EHBP1: variants seen among roughly 807,000 people sequenced by gnomAD.
EHBP1 encodes EH domain binding protein 1, also known as EH domain-binding protein 1.
Under a neutral mutation model 144.0 loss-of-function variants are expected in EHBP1, and 55 were observed. That is an observed-to-expected ratio of 0.38 (90% CI 0.31 to 0.48). The LOEUF (loss-of-function observed/expected upper bound fraction) is 0.48, where lower values mean the gene tolerates loss of function less well. Among genes scored for constraint, EHBP1 ranks in the 20% least tolerant of loss-of-function variants. EHBP1 has a pLI of 0.98. For missense variants in EHBP1, 1,200 were observed against 1,364.2 expected, an observed-to-expected ratio of 0.88 and a Z score of 1.90; for synonymous variants, 469 against 472.7, an observed-to-expected ratio of 0.99 and a Z score of 0.10.
intron 2 of EHBP1, 134 bp downstream of exon 2, chr2:62,707,429 ACT>A (rs1247308992): frequency 7.7e-6 from 5 of 650,192 alleles, no homozygotes; most frequent in Non-Finnish European, 1.4e-5. Flanking sequence ...GGCGCAGATA[ACT>A]CTAACAAGTA....
intron 5 of EHBP1, among the ~76,000 whole-genome samples, chr2:62,816,745 T>A (rs528470369): frequency 6.6e-6 from 1 of 152,322 alleles, no homozygotes; most frequent in Admixed American, 6.5e-5. Context: ...AATTCTATAA[T>A]GTTTCTGGCA....
intron 9 of EHBP1, 76 bp downstream of exon 9, chr2:62,865,047 T>C: frequency 6.9e-7 from 1 of 1,453,270 alleles, no homozygotes; most frequent in Non-Finnish European, 9.4e-7. Context: ...TAATGTACCT[T>C]TAGATGGGTA....
chr2:62,678,959 C>G (rs1294571479), intron 1 of EHBP1, among the ~76,000 whole-genome samples: 1 of 152,008 alleles, frequency 6.6e-6, no homozygotes, highest in Non-Finnish European at 1.5e-5. Context: ...TTTTTAACTA[C>G]TCTTACTATC....
At chr2:62,924,750 G>C in intron 10 of EHBP1, among the ~76,000 whole-genome samples, 1 of 152,096 alleles carries the variant, frequency 6.6e-6, no homozygotes, top group Non-Finnish European at 1.5e-5. Context: ...AGATGGCTTC[G>C]TTGCTGAATT....
In EHBP1 at chr2:63,045,333, G is replaced by A. The variant is rs1484394925; in HGVS notation, c.3393-77G>A. On this transcript the variant is annotated intron_variant, in intron 22 of 22. Transcript: ENST00000431489. The surrounding 1 kb of genome is among the most constrained non-coding windows in gnomAD (Gnocchi z 5.7). The stretch of plus-strand genomic sequence containing the variant: ...CCCGCTGGGGATCCAAATACTGGGC[G>A]ACGGGGGAGTGCTGCTCTGCCCTCC... 1 of 1,458,134 alleles carries A rather than the reference G, an allele frequency of 6.9e-7. No homozygotes were observed. Among genetic ancestry groups the A allele is most frequent in the Non-Finnish European group, 9.6e-7 (1 of 1,046,310 alleles). 90.3% of individuals were successfully genotyped at this position (1,458,134 alleles called of 1,614,324 possible). A position where few individuals can be genotyped will look rare whatever the true frequency, so the allele number is the denominator to read the frequency against.
chr2:62,971,356 TA>T (rs942843616), intron 14 of EHBP1, among the ~76,000 whole-genome samples: 12 of 151,792 alleles, frequency 7.9e-5, no homozygotes, highest in African/African-American at 2.9e-4. Flanking sequence ...ACGTAAGTTT[TA>T]AGTGAATGTA....
chr2:62,872,597 T>G lies in EHBP1; in HGVS notation c.999-1749T>G, dbSNP rs551214287. On this transcript the variant is annotated intron_variant, in intron 9 of 22. Coordinates refer to ENST00000431489, the MANE Select transcript of EHBP1 (RefSeq NM_001142616.3). ...TTTATAGCACTTAAAAAAATTGATA[T>G]ATGCTTCACATAACATGAAATTATA... 7.2e-5 allele frequency among the ~76,000 whole-genome samples: 11 copies of G among 152,268 alleles called. No homozygotes were observed. In the South Asian group the frequency reaches 2.3e-3, roughly 32 times the overall value.
chr2:62,986,508 T>C (rs1255150343), intron 15 of EHBP1, among the ~76,000 whole-genome samples: 1 of 150,764 alleles, frequency 6.6e-6, no homozygotes, highest in African/African-American at 2.4e-5. Flanking sequence ...AGTGGCGCGA[T>C]CTCGGCTCAC....
chr2:62,700,404 G>A (rs2034243683), intron 1 of EHBP1, among the ~76,000 whole-genome samples: 1 of 152,102 alleles, frequency 6.6e-6, no homozygotes, highest in African/African-American at 2.4e-5. Context: ...CATCTCAATT[G>A]AGGGGGCTTA....
intron 7 of EHBP1, among the ~76,000 whole-genome samples, chr2:62,847,724 A>G (rs544716311): frequency 6.6e-6 from 1 of 152,290 alleles, no homozygotes; most frequent in African/African-American, 2.4e-5. Context: ...ATTAGAAGAA[A>G]ATAGTCACAA....
chr2:62,959,180 C>A (rs909510509), intron 14 of EHBP1, among the ~76,000 whole-genome samples: 1 of 152,176 alleles, frequency 6.6e-6, no homozygotes, highest in Non-Finnish European at 1.5e-5. Context: ...CATCAAGGCT[C>A]ATCTATGTTG....
chr2:62,785,319 A>T (rs2042727246), intron 5 of EHBP1, among the ~76,000 whole-genome samples: 1 of 152,208 alleles, frequency 6.6e-6, no homozygotes, highest in South Asian at 2.1e-4. Flanking sequence ...AGGACTTGAG[A>T]TCAGATAGGC....
At chr2:62,879,590 C>CAG (rs1389019782) in intron 10 of EHBP1, among the ~76,000 whole-genome samples, 56 of 139,200 alleles carry the variant, frequency 4.0e-4, no homozygotes, top group Middle Eastern at 3.7e-3. Flanking sequence ...CACACACACA[C>CAG]AGAGACAGAG....
intron 5 of EHBP1, among the ~76,000 whole-genome samples, chr2:62,821,110 A>T (rs2045951026): frequency 1.3e-5 from 2 of 152,100 alleles, no homozygotes; most frequent in South Asian, 4.1e-4. Context: ...ATCTTATAGA[A>T]CAGTCTATGT....
At chr2:62,923,318 A>G (rs900276560) in intron 10 of EHBP1, among the ~76,000 whole-genome samples, 1 of 152,160 alleles carries the variant, frequency 6.6e-6, no homozygotes, top group Non-Finnish European at 1.5e-5. Flanking sequence ...GGGTGAACCT[A>G]CCCATGAGCT....
At chr2:63,013,863 G>A (rs1481170551) in intron 19 of EHBP1, among the ~76,000 whole-genome samples, 3 of 152,138 alleles carry the variant, frequency 2.0e-5, no homozygotes, top group Admixed American at 2.0e-4. Context: ...AAATTAGTGA[G>A]ATGAGGAAAA....
chr2:62,805,401 C>T (rs982430932), intron 5 of EHBP1, among the ~76,000 whole-genome samples: 1 of 149,508 alleles, frequency 6.7e-6, no homozygotes, highest in African/African-American at 2.5e-5. Flanking sequence ...AGAAAAACAA[C>T]AAAATGTAAA....
At chr2:62,795,567 TA>T (rs2043479734) in intron 5 of EHBP1, among the ~76,000 whole-genome samples, 1 of 152,026 alleles carries the variant, frequency 6.6e-6, no homozygotes, top group South Asian at 2.1e-4. Flanking sequence ...ACACTACCTC[TA>T]AAACTGGCTT....
intron 10 of EHBP1, among the ~76,000 whole-genome samples, chr2:62,879,652 G>A (rs1233297633): frequency 6.6e-6 from 1 of 151,204 alleles, no homozygotes; most frequent in African/African-American, 2.4e-5. Flanking sequence ...AGCTAACTGG[G>A]GAGGAGAAAG....
Sources: allele counts gnomAD v4.1 joint callset (sites outside exome capture counted in the v4.1 genomes callset), GRCh38; gene constraint gnomAD v4.1.1; non-coding constraint Gnocchi (gnomAD v3.1); transcripts MANE v1.5; gene names NCBI Gene and HGNC (gene_info 2026-07-23, HGNC 2026-07-21).